PBX1: variants seen among roughly 807,000 people sequenced by gnomAD.
The protein encoded by PBX1 is pre-B-cell leukemia transcription factor 1.
PBX1 carries 6 observed loss-of-function variants against 53.4 expected under a neutral mutation model. The ratio of observed to expected loss-of-function variants is 0.11; its 90% CI spans 0.06 to 0.22. PBX1 has a LOEUF of 0.22. PBX1 is among the 10% of genes least tolerant of loss of function. The pLI is 1.00. For missense variants in PBX1, 251 were observed against 551.4 expected (o/e 0.46, Z 5.46); for synonymous variants, 204 against 212.3 (o/e 0.96, Z 0.34).
intron 2 of PBX1, among the ~76,000 whole-genome samples, chr1:164,569,632 C>T (rs764483047): frequency 1.7e-5 from 2 of 117,162 alleles, no homozygotes; most frequent in African/African-American, 3.3e-5. Flanking sequence ...AGTGCAGTGG[C>T]GTGATCTCGG....
chr1:164,601,112 G>A (rs762363472), intron 2 of PBX1, among the ~76,000 whole-genome samples: 4 of 151,662 alleles, frequency 2.6e-5, no homozygotes, highest in Admixed American at 6.6e-5. Context: ...GGCGGTGGGC[G>A]CCTGTAGTCC....
chr1:164,809,282 C>G (rs1669494944), intron 5 of PBX1, among the ~76,000 whole-genome samples: 1 of 152,088 alleles, frequency 6.6e-6, no homozygotes, highest in South Asian at 2.1e-4. Context: ...GTTCCCGCAA[C>G]CTTCACTTCC....
intron 2 of PBX1, among the ~76,000 whole-genome samples, chr1:164,743,379 A>AT (rs1241342641): frequency 2.6e-5 from 4 of 152,176 alleles, no homozygotes; most frequent in Non-Finnish European, 5.9e-5. Flanking sequence ...CAAGGATATA[A>AT]TACTCCTAGC....
intron 2 of PBX1, among the ~76,000 whole-genome samples, chr1:164,879,182 G>A (rs1266754772): frequency 6.6e-6 from 1 of 152,062 alleles, no homozygotes; most frequent in Non-Finnish European, 1.5e-5. Context: ...TTGAAATTTA[G>A]TGGAACAGAG....
chr1:164,734,993 C>T (rs1665188799), intron 2 of PBX1, among the ~76,000 whole-genome samples: 1 of 152,204 alleles, frequency 6.6e-6, no homozygotes, highest in Non-Finnish European at 1.5e-5. Flanking sequence ...CAAAAATATA[C>T]ATCTCCAGCT....
chr1:164,795,827 G>A (rs58576756), intron 3 of PBX1, among the ~76,000 whole-genome samples: 5,907 of 152,096 alleles, frequency 0.039, 381 homozygotes, highest in African/African-American at 0.14. Flanking sequence ...TACCTACCTG[G>A]AATTACCAAA....
At chr1:164,642,254 T>C (rs1659188551) in intron 2 of PBX1, 1 of 151,844 alleles carries the variant, frequency 6.6e-6, no homozygotes, top group Admixed American at 6.5e-5. Context: ...GCAGGCTTAC[T>C]CTATTTGGTA....
intron 2 of PBX1, among the ~76,000 whole-genome samples, chr1:164,717,564 G>C (rs536118924): frequency 1.3e-5 from 2 of 152,294 alleles, no homozygotes; most frequent in East Asian, 1.9e-4. Context: ...GAGATGGTCG[G>C]AGTATGCATT....
rs138342459 is a variant in PBX1, at chr1:164,862,023, T to G, written n.257+30540T>G. ...CTTTAGCTATTCTTTTGAGTGAACC[T>G]GGAGGCCTTGGAATGTTTGGGATAG... On this transcript the variant is annotated intron_variant and non_coding_transcript_variant, in intron 2 of 2. Transcript: ENST00000558796. 6.8e-3 allele frequency among the ~76,000 whole-genome samples: 1,036 copies of G among 152,300 alleles called. 5 individuals are homozygous for G. The highest frequency in any genetic ancestry group is 0.011 in the Non-Finnish European group (768 of 68,028).
At chr1:164,589,673 G>C (rs1366356028) in intron 2 of PBX1, among the ~76,000 whole-genome samples, 1 of 152,128 alleles carries the variant, frequency 6.6e-6, no homozygotes, top group Admixed American at 6.5e-5. Context: ...CCATCCCTGC[G>C]AGGTATTTAG....
intron 2 of PBX1, chr1:164,641,876 AC>A (rs2101901832): frequency 6.6e-6 from 1 of 152,220 alleles, no homozygotes; most frequent in East Asian, 1.9e-4. Context: ...TTCAGCTAAC[AC>A]CCTTCCTTTA....
intron 1 of PBX1, among the ~76,000 whole-genome samples, chr1:164,561,586 T>A (rs1322179748): frequency 1.3e-5 from 2 of 152,220 alleles, no homozygotes; most frequent in African/African-American, 4.8e-5. Flanking sequence ...AAGAATACTC[T>A]CAGACATACC....
At position 164,850,088 on chromosome 1, in the gene PBX1, TAAA is replaced by T. The variant is rs1199375870; in HGVS notation, c.*3415_*3417del. 4.4e-6 allele frequency: 1 copy of T among 226,664 alleles called. No individual in the cohort carries two copies. The highest frequency in any genetic ancestry group is 2.2e-5 in the African/African-American group (1 of 45,006). The allele number at this position is 226,664 out of a possible 1,614,324, so 14.0% of individuals were successfully genotyped here. A position where few individuals can be genotyped will look rare whatever the true frequency, so the allele number is the denominator to read the frequency against. ...GGTCTGAATTTAATAGTGTTTATAA[TAAA>T]AATTTTAAAAATGACCCTCATAGCA... is the stretch of plus-strand genomic sequence containing the variant. On this transcript the variant is annotated 3_prime_UTR_variant, in exon 9 of 9. Coordinates refer to ENST00000420696, the MANE Select transcript of PBX1 (RefSeq NM_002585.4).
chr1:164,692,039 A>G (rs961406878), intron 2 of PBX1, among the ~76,000 whole-genome samples: 56 of 152,234 alleles, frequency 3.7e-4, no homozygotes, highest in African/African-American at 1.3e-3. Flanking sequence ...TATTACGTAT[A>G]TGCAAAAATT....
intron 2 of PBX1, among the ~76,000 whole-genome samples, chr1:164,695,655 G>A (rs1221370116): frequency 2.0e-5 from 3 of 152,190 alleles, no homozygotes; most frequent in Admixed American, 6.5e-5. Flanking sequence ...CCGTTGGACT[G>A]TAAGTTAATG....
At chr1:164,824,343 G>A (rs935785510) in intron 8 of PBX1, among the ~76,000 whole-genome samples, 5 of 152,168 alleles carry the variant, frequency 3.3e-5, no homozygotes, top group African/African-American at 4.8e-5. Context: ...TCATGTGCCC[G>A]TGGGCAAATA....
chr1:164,860,343 T>C (rs1460558285), intron 2 of PBX1, among the ~76,000 whole-genome samples: 2 of 152,182 alleles, frequency 1.3e-5, no homozygotes, highest in Admixed American at 6.5e-5. Context: ...TATGTAGATT[T>C]AGGTTGCTCT....
chr1:164,779,946 G>C (rs2102271945), intron 2 of PBX1, among the ~76,000 whole-genome samples: 1 of 152,304 alleles, frequency 6.6e-6, no homozygotes, highest in South Asian at 2.1e-4. Flanking sequence ...ATAAGGCCCA[G>C]CCTCAGGGAG....
At chr1:164,862,583 T>C (rs1444545624) in intron 2 of PBX1, among the ~76,000 whole-genome samples, 1 of 152,130 alleles carries the variant, frequency 6.6e-6, no homozygotes, top group Non-Finnish European at 1.5e-5. Context: ...TGGTTCATAG[T>C]TTTCAGATTA....
Sources: gnomAD v4.1 joint callset for allele counts (sites outside exome capture counted in the v4.1 genomes callset) on GRCh38, gnomAD v4.1.1 for gene constraint, MANE v1.5 for transcripts, NCBI Gene and HGNC (gene_info 2026-07-23, HGNC 2026-07-21) for gene names.